SLIT2: variants seen among roughly 807,000 people sequenced by gnomAD.
SLIT2 encodes the protein slit homolog 2 protein.
In SLIT2, 41 loss-of-function variants were observed where a neutral mutation model predicts 185.7. That is an observed-to-expected ratio of 0.22 (90% confidence interval 0.17 to 0.29). The LOEUF is 0.29. SLIT2 is among the 10% of genes least tolerant of loss of function. SLIT2 has a pLI of 1.00. For synonymous variants in SLIT2, 693 were observed against 680.2 expected (o/e 1.02, Z -0.29); for missense variants, 1,571 against 1,909.0 (o/e 0.82, Z 3.30).
chr4:20,614,620 T>A (rs1293657784), intron 34 of SLIT2, among the ~76,000 whole-genome samples: 2 of 151,420 alleles, frequency 1.3e-5, no homozygotes, highest in Admixed American at 6.6e-5. Context: ...TCTACTAAAA[T>A]TACAAAATAA....
intron 4 of SLIT2, among the ~76,000 whole-genome samples, chr4:20,363,535 A>C (rs965863824): frequency 2.0e-5 from 3 of 152,104 alleles, no homozygotes; most frequent in Admixed American, 6.6e-5. Flanking sequence ...TTCTTACAAC[A>C]CAGCAATGTA....
intron 4 of SLIT2, among the ~76,000 whole-genome samples, chr4:20,387,250 A>G (rs759540632): frequency 1.3e-4 from 20 of 152,278 alleles, no homozygotes; most frequent in Admixed American, 3.9e-4. Context: ...TTCTAAAAGG[A>G]TGTAGTTTAC....
At chr4:20,567,103 G>A (rs750739241) in intron 26 of SLIT2, among the ~76,000 whole-genome samples, 159 bp from the exon 27 acceptor site, 20 of 151,994 alleles carry the variant, frequency 1.3e-4, no homozygotes, top group African/African-American at 1.7e-4. Flanking sequence ...GAACATCATC[G>A]GAGGATGCTG....
At chr4:20,362,662 C>A (rs1487090220) in intron 4 of SLIT2, among the ~76,000 whole-genome samples, 1 of 151,510 alleles carries the variant, frequency 6.6e-6, no homozygotes, top group East Asian at 1.9e-4. Context: ...TTTTAGCTTG[C>A]ATAAATATGT....
chr4:20,524,559 A>G (rs946954276), intron 14 of SLIT2, among the ~76,000 whole-genome samples: 1 of 152,190 alleles, frequency 6.6e-6, no homozygotes, highest in African/African-American at 2.4e-5. Context: ...ATTTCTTCAG[A>G]AAGTGAATTG....
intron 9 of SLIT2, among the ~76,000 whole-genome samples, chr4:20,501,397 C>T (rs1197476505): frequency 6.6e-6 from 1 of 152,092 alleles, no homozygotes; most frequent in Admixed American, 6.5e-5. Flanking sequence ...GCAATCCTCC[C>T]ACCTCAGCCT....
At chr4:20,539,340 A>G (rs1722591501) in intron 18 of SLIT2, 101 bp from the exon 19 acceptor site, 1 of 1,004,538 alleles carries the variant, frequency 1.0e-6, no homozygotes, top group Admixed American at 2.4e-5. Context: ...AAAAGTAGTA[A>G]TGAATGCTAC....
intron 9 of SLIT2, among the ~76,000 whole-genome samples, chr4:20,496,932 A>C (rs2148806135): frequency 6.6e-6 from 1 of 152,314 alleles, no homozygotes; most frequent in South Asian, 2.1e-4. Flanking sequence ...TAAGCATAAA[A>C]TCAGCAAGAG....
intron 4 of SLIT2, among the ~76,000 whole-genome samples, chr4:20,332,337 G>A (rs1010089292): frequency 6.6e-5 from 10 of 152,110 alleles, no homozygotes; most frequent in African/African-American, 2.4e-4. Context: ...ATTTTTCATA[G>A]ACACCAGGAT....
chr4:20,510,172 ATTAAG>A (rs896126987), intron 9 of SLIT2, among the ~76,000 whole-genome samples: 5 of 100,692 alleles, frequency 5.0e-5, no homozygotes, highest in Non-Finnish European at 1.0e-4. Flanking sequence ...TCTAACTTAT[ATTAAG>A]TTAATTAAAA....
intron 5 of SLIT2, among the ~76,000 whole-genome samples, chr4:20,478,275 A>C (rs1489215731): frequency 1.3e-5 from 2 of 152,228 alleles, no homozygotes; most frequent in Non-Finnish European, 2.9e-5. Context: ...ATGTGGACTC[A>C]GATATAACAG....
intron 4 of SLIT2, among the ~76,000 whole-genome samples, chr4:20,278,345 A>T (rs1041579640): frequency 6.6e-6 from 1 of 152,176 alleles, no homozygotes; most frequent in Non-Finnish European, 1.5e-5. Flanking sequence ...TCTCAATAAA[A>T]AGCCCTGCTT....
intron 4 of SLIT2, among the ~76,000 whole-genome samples, chr4:20,426,876 A>T (rs1282743956): frequency 1.3e-5 from 2 of 152,180 alleles, no homozygotes; most frequent in East Asian, 3.8e-4. Context: ...TCCCAGAGAA[A>T]TAACAGTTAC....
At chr4:20,413,487 A>AT (rs1727412170) in intron 4 of SLIT2, among the ~76,000 whole-genome samples, 1 of 151,922 alleles carries the variant, frequency 6.6e-6, no homozygotes, top group Admixed American at 6.6e-5. Context: ...TTGAGTTTCT[A>AT]TTTTGTTACT....
At chr4:20,596,246 C>T (rs997886578) in intron 31 of SLIT2, among the ~76,000 whole-genome samples, 169 bp from the exon 32 acceptor site, 8 of 152,138 alleles carry the variant, frequency 5.3e-5, no homozygotes, top group Admixed American at 2.0e-4. Flanking sequence ...TTTGGAATAT[C>T]TGTTGTACAG....
At position 20,484,657 on chromosome 4, in the gene SLIT2, A is replaced by G. The variant is rs1228265929; in HGVS notation, c.540-1543A>G. ...ACTGGCCCAGAGTGGCCTCAAAAAT[A>G]TATTTTGTGTAGCTCAAACATAAGC... On this transcript the variant is annotated intron_variant, in intron 6 of 36. Transcript: ENST00000504154. The surrounding 1 kb of genome is among the most constrained non-coding windows in gnomAD (Gnocchi z 4.3). Among the ~76,000 whole-genome samples the G allele has an allele frequency of 5.9e-5, 9 of 152,142 alleles. No individual in the cohort carries two copies. The highest frequency in any genetic ancestry group is 1.9e-4 in the African/African-American group (8 of 41,440).
intron 4 of SLIT2, among the ~76,000 whole-genome samples, chr4:20,463,448 G>GAGATATAT (rs1553906499): frequency 1.5e-5 from 1 of 67,318 alleles, no homozygotes; most frequent in Non-Finnish European, 2.9e-5. Context: ...CTCAAACTGT[G>GAGATATAT]ATATATATAT....
At chr4:20,283,285 G>A (rs999746564) in intron 4 of SLIT2, among the ~76,000 whole-genome samples, 2 of 152,130 alleles carry the variant, frequency 1.3e-5, no homozygotes, top group Non-Finnish European at 2.9e-5. Flanking sequence ...ACACAATGAG[G>A]GGTGCATCAT....
intron 4 of SLIT2, among the ~76,000 whole-genome samples, chr4:20,286,661 G>A (rs945200963): frequency 6.6e-6 from 1 of 152,088 alleles, no homozygotes; most frequent in African/African-American, 2.4e-5. Context: ...AATTAGATGG[G>A]CGTGGTAGCG....
Sources: gnomAD v4.1 joint callset for allele counts (sites outside exome capture counted in the v4.1 genomes callset) on GRCh38, gnomAD v4.1.1 for gene constraint, Gnocchi (gnomAD v3.1) non-coding constraint, MANE v1.5 for transcripts, NCBI Gene and HGNC (gene_info 2026-07-23, HGNC 2026-07-21) for gene names.